Variants in NME7 observed in about 807,000 individuals in gnomAD.
The protein encoded by NME7 is NME/NM23 family member 7, also known as nucleoside diphosphate kinase 7.
Under a neutral mutation model 49.1 loss-of-function variants are expected in NME7, and 41 were observed. The ratio of observed to expected loss-of-function variants is 0.83; its 90% CI spans 0.65 to 1.08. The LOEUF (loss-of-function observed/expected upper bound fraction) is 1.08, where lower values mean the gene tolerates loss of function less well. Among genes scored for constraint, NME7 ranks in the 50% least tolerant of loss-of-function variants. The probability of loss-of-function intolerance (pLI) is 0.00; values close to 1 mark genes in which losing one functional copy is unlikely to be tolerated. For missense variants in NME7, 423 were observed against 463.4 expected, an observed-to-expected ratio of 0.91 and a Z score of 0.80; for synonymous variants, 139 against 150.6, an observed-to-expected ratio of 0.92 and a Z score of 0.56.
chr1:169,196,551 T>C (rs1467121542), intron 10 of NME7, among the ~76,000 whole-genome samples: 2 of 151,566 alleles, frequency 1.3e-5, no homozygotes, highest in Non-Finnish European at 2.9e-5. Context: ...ATAAAAGCGG[T>C]AAGTAAGAAT....
chr1:169,135,014 C>CAA lies in NME7; in HGVS notation c.1099-2199_1099-2198dup, dbSNP rs58463903. Among the ~76,000 whole-genome samples the CAA allele has an allele frequency of 5.2e-4, 26 of 50,388 alleles. 4 individuals carry two copies. Among genetic ancestry groups the CAA allele is most frequent in the African/African-American group, 6.5e-4 (9 of 13,754 alleles). The allele number at this position is 50,388 out of a possible 152,430, so 33.1% of individuals were successfully genotyped here. The stretch of plus-strand genomic sequence containing the variant: ...ACATAAGGAGATCCCCCCGTCTCTA[C>CAA]AAAAAAAAAAAAAAAAAAAAAAAAA... On this transcript the variant is annotated intron_variant, in intron 11 of 11. Transcript: ENST00000367811.
chr1:169,349,993 C>T (rs1471751677), intron 1 of NME7, among the ~76,000 whole-genome samples: 1 of 151,872 alleles, frequency 6.6e-6, no homozygotes, highest in Non-Finnish European at 1.5e-5. Flanking sequence ...GAGTTCGAGA[C>T]CAGCCTGGCC....
intron 7 of NME7, among the ~76,000 whole-genome samples, chr1:169,277,264 T>G (rs1397677358): frequency 1.4e-5 from 2 of 143,358 alleles, no homozygotes; most frequent in Non-Finnish European, 3.1e-5. Context: ...GTCTCGTTGA[T>G]CTGTCTAATG....
intron 7 of NME7, among the ~76,000 whole-genome samples, chr1:169,241,322 C>G (rs763156988): frequency 2.0e-5 from 3 of 151,740 alleles, no homozygotes; most frequent in Non-Finnish European, 4.4e-5. Flanking sequence ...TTGATTCGTT[C>G]TAAGGCAGTG....
chr1:169,264,487 A>T (rs1272891014), intron 7 of NME7, among the ~76,000 whole-genome samples: 1 of 134,130 alleles, frequency 7.5e-6, no homozygotes, highest in Non-Finnish European at 1.8e-5. Flanking sequence ...ATAGATTTTT[A>T]AAAGCCAGAG....
intron 1 of NME7, among the ~76,000 whole-genome samples, chr1:169,327,397 G>T (rs1652097590): frequency 6.6e-6 from 1 of 152,156 alleles, no homozygotes; most frequent in Non-Finnish European, 1.5e-5. Context: ...CATAATAAAA[G>T]AGTTGATCCC....
intron 10 of NME7, among the ~76,000 whole-genome samples, chr1:169,189,742 A>G (rs16861997): frequency 0.06 from 9,071 of 152,234 alleles, 1,157 homozygotes; most frequent in East Asian, 0.6. Context: ...GCAAATATTC[A>G]TTCTCAATTA....
At chr1:169,218,921 C>G (rs1661056291) in intron 10 of NME7, among the ~76,000 whole-genome samples, 1 of 152,118 alleles carries the variant, frequency 6.6e-6, no homozygotes, top group Non-Finnish European at 1.5e-5. Flanking sequence ...TGCCCTGGAT[C>G]TTAAATACAA....
chr1:169,322,821 T>C (rs111307713), intron 3 of NME7, among the ~76,000 whole-genome samples: 225 of 152,188 alleles, frequency 1.5e-3, no homozygotes, highest in African/African-American at 5.2e-3. Flanking sequence ...GAATAGATCA[T>C]AGATTTTAAA....
At chr1:169,348,227 CAG>C in intron 1 of NME7, among the ~76,000 whole-genome samples, 1 of 152,218 alleles carries the variant, frequency 6.6e-6, no homozygotes, top group South Asian at 2.1e-4. Context: ...GATATTAAGA[CAG>C]TGTTTTCTTT....
At chr1:169,310,104 T>C (rs750080810) in intron 3 of NME7, 24 bp from the exon 4 acceptor site, 11 of 1,443,610 alleles carry the variant, frequency 7.6e-6, no homozygotes, top group East Asian at 6.9e-5. Context: ...AAAAATAAGT[T>C]TGCAAATAAA....
At chr1:169,273,612 TC>T (rs925365585) in intron 7 of NME7, among the ~76,000 whole-genome samples, 7 of 128,052 alleles carry the variant, frequency 5.5e-5, no homozygotes, top group African/African-American at 1.8e-4. Context: ...CCCTCCCCAC[TC>T]CCCCTACCCC....
intron 1 of NME7, among the ~76,000 whole-genome samples, chr1:169,339,057 TA>T (rs1197637597): frequency 1.3e-5 from 2 of 152,080 alleles, no homozygotes; most frequent in African/African-American, 2.4e-5. Flanking sequence ...TCTGGGACCA[TA>T]AAATACTCAA....
chr1:169,303,362 T>A (rs961048985), intron 4 of NME7, 167 bp from the exon 5 acceptor site: 5 of 352,814 alleles, frequency 1.4e-5, no homozygotes, highest in African/African-American at 1.1e-4. Context: ...TTTTAAAATA[T>A]TTTTTAAGTA....
intron 11 of NME7, among the ~76,000 whole-genome samples, chr1:169,165,711 A>G (rs559056561): frequency 6.6e-6 from 1 of 152,304 alleles, no homozygotes; most frequent in Non-Finnish European, 1.5e-5. Context: ...ATAGCCAGAT[A>G]CCTCATTTGG....
At position 169,309,846 on chromosome 1, in the gene NME7, T is replaced by C. The variant is rs879049515; in HGVS notation, c.389+124A>G. 47 of 603,200 alleles carry C rather than the reference T, an allele frequency of 7.8e-5. No individual in the cohort carries two copies. In the South Asian group the frequency reaches 1.0e-3, roughly 13 times the overall value. The allele number at this position is 603,200 out of a possible 1,614,324, so 37.4% of individuals were successfully genotyped here. On this transcript the variant is annotated intron_variant, in intron 4 of 11. Transcript: ENST00000367811. ...CTGTCAGTTCCCATTTTGGTTAAGT[T>C]ACTATTCTATTCTTTGTCATTCAAT... is the stretch of plus-strand genomic sequence containing the variant.
rs1214427759 is a variant in NME7, at chr1:169,276,416, G to T, written c.754+10887C>A. Among the ~76,000 whole-genome samples the T allele has an allele frequency of 1.5e-5, 2 of 133,360 alleles. 1 individual carries two copies. The highest frequency in any genetic ancestry group is 3.5e-5 in the Non-Finnish European group (2 of 56,856). 87.5% of individuals were successfully genotyped at this position (133,360 alleles called of 152,430 possible). A position where few individuals can be genotyped will look rare whatever the true frequency, so the allele number is the denominator to read the frequency against. ...CGACTTCTTCCTCGTTTAGTCTTGGGAGAGTGTATGTGTCGAGGAATTTAT... is the reference window on the plus strand; with the variant it reads ...CGACTTCTTCCTCGTTTAGTCTTGGTAGAGTGTATGTGTCGAGGAATTTAT... On this transcript the variant is annotated intron_variant, in intron 7 of 11. Coordinates refer to ENST00000367811, the MANE Select transcript of NME7 (RefSeq NM_013330.5).
intron 11 of NME7, among the ~76,000 whole-genome samples, chr1:169,155,947 T>TA (rs144407714): frequency 0.015 from 2,240 of 152,172 alleles, 55 homozygotes; most frequent in African/African-American, 0.051. Context: ...GGGAACTTGT[T>TA]AGAATGCAAA....
intron 11 of NME7, 51 bp downstream of exon 11, chr1:169,169,391 CTGAGA>C: frequency 6.8e-7 from 1 of 1,481,470 alleles, no homozygotes; most frequent in Non-Finnish European, 9.3e-7. Flanking sequence ...ATCAGAACTC[CTGAGA>C]TAATTTATGA....
Sources: gnomAD v4.1 joint callset for allele counts (sites outside exome capture counted in the v4.1 genomes callset) on GRCh38, gnomAD v4.1.1 for gene constraint, MANE v1.5 for transcripts, NCBI Gene and HGNC (gene_info 2026-07-23, HGNC 2026-07-21) for gene names.